Variants in NBAS observed in about 807,000 individuals in gnomAD.
The protein encoded by NBAS is NAG/BC035112 fusion.
In NBAS, 219 loss-of-function variants were observed where a neutral mutation model predicts 302.5. The observed-to-expected ratio is 0.72, with a 90% CI of 0.65 to 0.81. NBAS has a LOEUF of 0.81. NBAS is among the 30% of genes least tolerant of loss of function. The pLI, the probability that NBAS is intolerant of heterozygous loss-of-function variation, is 0.00. For missense variants in NBAS, 2,932 were observed against 2,841.6 expected (o/e 1.03, Z -0.72); for synonymous variants, 1,118 against 1,021.6 (o/e 1.09, Z -1.80).
At chr2:14,843,246 A>G in the NBAS span, among the ~76,000 whole-genome samples, 2 of 152,312 alleles carry the variant, frequency 1.3e-5, no homozygotes, top group East Asian at 3.9e-4. Context: ...CCTTTTCTCT[A>G]AGATCCGGAC....
chr2:14,914,215 T>C, the NBAS span, among the ~76,000 whole-genome samples: 3 of 152,200 alleles, frequency 2.0e-5, no homozygotes, highest in Non-Finnish European at 4.4e-5. Context: ...TTATGGGAGC[T>C]ACAATTCAAG....
chr2:15,042,983 G>A, the NBAS span, among the ~76,000 whole-genome samples: 38 of 152,176 alleles, frequency 2.5e-4, no homozygotes, highest in Non-Finnish European at 2.5e-4. Context: ...ATTAACAAGC[G>A]GCTGTGGCTG....
At chr2:15,005,161 T>G in the NBAS span, among the ~76,000 whole-genome samples, 52,050 of 152,022 alleles carry the variant, frequency 0.34, 9,632 homozygotes, top group Non-Finnish European at 0.41. Context: ...CCTACCACCT[T>G]AACAGATTGT....
chr2:15,009,631 CACACACAT>C, the NBAS span, among the ~76,000 whole-genome samples: 26 of 148,174 alleles, frequency 1.8e-4, no homozygotes, highest in Non-Finnish European at 8.9e-5. Flanking sequence ...CACACACACA[CACACACAT>C]ATACACATAT....
chr2:15,082,151 A>G, the NBAS span, among the ~76,000 whole-genome samples: 1 of 152,102 alleles, frequency 6.6e-6, no homozygotes, highest in African/African-American at 2.4e-5. Context: ...TATTGGACCA[A>G]TTTACCTGGT....
chr2:14,979,056 T>C, the NBAS span, among the ~76,000 whole-genome samples: 2 of 152,218 alleles, frequency 1.3e-5, no homozygotes, highest in African/African-American at 4.8e-5. Context: ...TGAGTCACTG[T>C]TTATCTGTCT....
intron 12 of NBAS, among the ~76,000 whole-genome samples, chr2:15,485,770 C>T (rs780419208): frequency 8.5e-5 from 13 of 152,114 alleles, no homozygotes; most frequent in Non-Finnish European, 1.3e-4. Flanking sequence ...TTGGAAAGTA[C>T]GGCAGAAATG....
At chr2:15,295,972 T>G (rs936153351) in intron 40 of NBAS, among the ~76,000 whole-genome samples, 1 of 152,094 alleles carries the variant, frequency 6.6e-6, no homozygotes, top group African/African-American at 2.4e-5. Flanking sequence ...CTTTCTCCAT[T>G]ATTCTATGAA....
intron 44 of NBAS, 77 bp from the exon 45 acceptor site, chr2:15,238,763 G>A (rs553349198): frequency 3.9e-6 from 5 of 1,283,046 alleles, no homozygotes; most frequent in Non-Finnish European, 4.3e-6. Flanking sequence ...TAATGAGTTA[G>A]AACAAAAGTG....
chr2:15,482,386 G>A (rs1480975432), intron 12 of NBAS, among the ~76,000 whole-genome samples: 1 of 152,150 alleles, frequency 6.6e-6, no homozygotes, highest in Non-Finnish European at 1.5e-5. Context: ...CCAAAGTGCT[G>A]GGATTACTGG....
the NBAS span, among the ~76,000 whole-genome samples, chr2:15,015,744 A>G: frequency 6.6e-6 from 1 of 152,168 alleles, no homozygotes; most frequent in Non-Finnish European, 1.5e-5. Context: ...AAGGAAGCTG[A>G]TGCTCACCAC....
intron 48 of NBAS, among the ~76,000 whole-genome samples, chr2:15,216,689 C>T (rs910030053): frequency 1.3e-4 from 20 of 152,272 alleles, no homozygotes; most frequent in African/African-American, 4.6e-4. Flanking sequence ...AGCAATGATA[C>T]TTATTTATGA....
the NBAS span, among the ~76,000 whole-genome samples, chr2:15,067,981 G>GAAGTGTGCTT: frequency 6.6e-6 from 1 of 152,124 alleles, no homozygotes; most frequent in South Asian, 2.1e-4. Context: ...AAGAAAAAGG[G>GAAGTGTGCTT]AAGTGTGCTT....
At chr2:15,256,200 C>T (rs552796134) in intron 44 of NBAS, among the ~76,000 whole-genome samples, 51 of 152,202 alleles carry the variant, frequency 3.4e-4, no homozygotes, top group Non-Finnish European at 5.4e-4. Context: ...GGATGTGTTT[C>T]CATTTGTTTC....
rs1197554786 is a variant in NBAS at position 15,441,309 on chromosome 2, C to T, written c.2340-13515G>A. Among the ~76,000 whole-genome samples the T allele has an allele frequency of 8.1e-4, 123 of 152,236 alleles. No homozygotes were observed. The South Asian group carries it at 0.011, about 13-fold the overall frequency. On this transcript the variant is annotated intron_variant, in intron 21 of 51. Coordinates refer to ENST00000281513, the MANE Select transcript of NBAS (RefSeq NM_015909.4). ...CCCATCAGACTAACAGCGGATCTCTCGGCAGAAACTCTACAAACCAGAAGA... is the reference window on the plus strand; with the variant it reads ...CCCATCAGACTAACAGCGGATCTCTTGGCAGAAACTCTACAAACCAGAAGA...
chr2:15,346,318 AC>A (rs1263622514), intron 35 of NBAS, among the ~76,000 whole-genome samples: 28 of 152,242 alleles, frequency 1.8e-4, no homozygotes, highest in African/African-American at 5.5e-4. Context: ...AACAAAAAAA[AC>A]AACCCCATCA....
chr2:15,432,362 T>C (rs1268327357), intron 21 of NBAS, among the ~76,000 whole-genome samples: 1 of 152,098 alleles, frequency 6.6e-6, no homozygotes, highest in Non-Finnish European at 1.5e-5. Context: ...TAGGATTCTT[T>C]ATATTAGAAC....
chr2:15,135,019 G>GA, the NBAS span, among the ~76,000 whole-genome samples: 2 of 152,268 alleles, frequency 1.3e-5, no homozygotes, highest in Non-Finnish European at 2.9e-5. Flanking sequence ...TTTTAGACCT[G>GA]AAAAAAGAAA....
At chr2:15,325,296 T>C (rs1171493336) in intron 38 of NBAS, among the ~76,000 whole-genome samples, 2 of 152,208 alleles carry the variant, frequency 1.3e-5, no homozygotes, top group Admixed American at 6.5e-5. Context: ...AAGTTGTGTT[T>C]ATACTATACT....
Sources: allele counts gnomAD v4.1 joint callset (sites outside exome capture counted in the v4.1 genomes callset), GRCh38; gene constraint gnomAD v4.1.1; transcripts MANE v1.5; gene names NCBI Gene and HGNC (gene_info 2026-07-23, HGNC 2026-07-21).